ATP8A2: variants seen among roughly 807,000 people sequenced by gnomAD.
The protein encoded by ATP8A2 is ATPase phospholipid transporting 8A2.
Under a neutral mutation model 165.6 loss-of-function variants are expected in ATP8A2, and 100 were observed. That is an observed-to-expected ratio of 0.60 (90% CI 0.51 to 0.71). The LOEUF is 0.71. Among genes scored for constraint, ATP8A2 ranks in the 30% least tolerant of loss-of-function variants. The probability of loss-of-function intolerance (pLI) is 0.00; values close to 1 mark genes in which losing one functional copy is unlikely to be tolerated. For synonymous variants in ATP8A2, 543 were observed against 548.8 expected (o/e 0.99, Z 0.15); for missense variants, 1,227 against 1,479.5 (o/e 0.83, Z 2.80).
chr13:26,008,185 T>G (rs1020231687), intron 35 of ATP8A2, among the ~76,000 whole-genome samples: 5 of 152,154 alleles, frequency 3.3e-5, no homozygotes, highest in African/African-American at 1.2e-4. Context: ...AGAGTCCTTC[T>G]GTACTAAGGA....
At chr13:25,413,032 G>T (rs2034016673) in intron 1 of ATP8A2, among the ~76,000 whole-genome samples, 1 of 152,072 alleles carries the variant, frequency 6.6e-6, no homozygotes, top group South Asian at 2.1e-4. Flanking sequence ...TGGCCAGGCT[G>T]GTCTTGAACT....
intron 24 of ATP8A2, among the ~76,000 whole-genome samples, chr13:25,643,581 C>T (rs977740628): frequency 3.9e-5 from 6 of 151,994 alleles, no homozygotes; most frequent in South Asian, 2.1e-4. Flanking sequence ...ATCAATTGAC[C>T]GTATATGTGA....
chr13:25,725,376 A>G (rs1486721234), intron 25 of ATP8A2, among the ~76,000 whole-genome samples: 2 of 152,212 alleles, frequency 1.3e-5, no homozygotes, highest in Non-Finnish European at 2.9e-5. Context: ...GGAATTGACC[A>G]TTGCTCCATT....
At chr13:25,891,570 T>A (rs1410704579) in intron 33 of ATP8A2, among the ~76,000 whole-genome samples, 1 of 152,120 alleles carries the variant, frequency 6.6e-6, no homozygotes, top group Non-Finnish European at 1.5e-5. Flanking sequence ...GTGATCTGCC[T>A]ACCTTGGCCT....
At chr13:25,643,678 A>G (rs554664859) in intron 24 of ATP8A2, among the ~76,000 whole-genome samples, 2 of 151,260 alleles carry the variant, frequency 1.3e-5, no homozygotes, top group South Asian at 4.2e-4. Flanking sequence ...GTATCGTTTG[A>G]AGTTAGGTAG....
chr13:25,994,995 A>C (rs1022793461), intron 35 of ATP8A2, among the ~76,000 whole-genome samples: 8 of 152,166 alleles, frequency 5.3e-5, no homozygotes, highest in African/African-American at 1.9e-4. Flanking sequence ...AGGCCATATA[A>C]ATTCAATTTC....
At chr13:25,731,183 A>G (rs1302597593) in intron 25 of ATP8A2, among the ~76,000 whole-genome samples, 6 of 117,268 alleles carry the variant, frequency 5.1e-5, no homozygotes, top group Non-Finnish European at 1.1e-4. Flanking sequence ...GAAAGAAAGA[A>G]AAGACCGGAA....
chr13:25,675,355 C>T (rs1335712499), intron 24 of ATP8A2, among the ~76,000 whole-genome samples: 2 of 152,180 alleles, frequency 1.3e-5, no homozygotes, highest in African/African-American at 2.4e-5. Flanking sequence ...TTCCAGAGGG[C>T]ATCCTGTGTT....
intron 1 of ATP8A2, among the ~76,000 whole-genome samples, chr13:25,412,549 C>T (rs1048867504): frequency 5.3e-5 from 8 of 152,198 alleles, no homozygotes; most frequent in African/African-American, 1.9e-4. Flanking sequence ...ATCCACAGAA[C>T]CACTGGCCAG....
At chr13:25,675,010 T>TTAATA (rs1229437792) in intron 24 of ATP8A2, among the ~76,000 whole-genome samples, 2 of 152,228 alleles carry the variant, frequency 1.3e-5, no homozygotes, top group Admixed American at 6.5e-5. Context: ...GTTGTCTGTT[T>TTAATA]TAATGGGTGC....
chr13:25,471,948 A>G (rs2035857092), intron 2 of ATP8A2, among the ~76,000 whole-genome samples: 1 of 152,200 alleles, frequency 6.6e-6, no homozygotes, highest in South Asian at 2.1e-4. Context: ...TTATACTGTG[A>G]GCGTAAGTTT....
chr13:25,605,212 T>A (rs1275734365), intron 24 of ATP8A2, among the ~76,000 whole-genome samples: 1 of 152,208 alleles, frequency 6.6e-6, no homozygotes, highest in African/African-American at 2.4e-5. Context: ...AGCATAGTTC[T>A]TCCTATATAA....
chr13:25,949,353 A>G (rs1032821092), intron 33 of ATP8A2, among the ~76,000 whole-genome samples: 6 of 152,234 alleles, frequency 3.9e-5, no homozygotes, highest in Admixed American at 2.0e-4. Flanking sequence ...CCCTATCTTT[A>G]TCAGTATCTG....
chr13:25,610,391 T>C (rs2040651548), intron 24 of ATP8A2, among the ~76,000 whole-genome samples: 1 of 152,166 alleles, frequency 6.6e-6, no homozygotes, highest in Non-Finnish European at 1.5e-5. Flanking sequence ...CCACTTTATG[T>C]TTTTCTTTGC....
chr13:25,888,723 G>T (rs1458345798), intron 33 of ATP8A2, among the ~76,000 whole-genome samples: 1 of 152,204 alleles, frequency 6.6e-6, no homozygotes, highest in Non-Finnish European at 1.5e-5. Flanking sequence ...GCCAAGCATG[G>T]TGGCGCATGT....
intron 30 of ATP8A2, 42 bp from the exon 31 acceptor site, chr13:25,860,153 C>T (rs1420962626): frequency 1.4e-6 from 2 of 1,413,432 alleles, no homozygotes; most frequent in East Asian, 2.3e-5. Flanking sequence ...GGTGGCCATG[C>T]TCAGCTTCTT....
intron 24 of ATP8A2, among the ~76,000 whole-genome samples, chr13:25,593,682 G>A (rs756843205): frequency 2.6e-5 from 4 of 152,154 alleles, no homozygotes; most frequent in Admixed American, 2.0e-4. Flanking sequence ...GAGAGGAATG[G>A]GTAGGAGGAG....
At chr13:25,492,186 A>G (rs1005781237) in intron 2 of ATP8A2, among the ~76,000 whole-genome samples, 1 of 152,054 alleles carries the variant, frequency 6.6e-6, no homozygotes, top group Non-Finnish European at 1.5e-5. Context: ...CCTCCCAAGT[A>G]ACTGGGTTTA....
chr13:25,662,445 A>T, intron 24 of ATP8A2, among the ~76,000 whole-genome samples: 1 of 152,216 alleles, frequency 6.6e-6, no homozygotes, highest in East Asian at 1.9e-4. Context: ...CTCTCTGATT[A>T]ACTTTGATGT....
Sources: gnomAD v4.1 joint callset for allele counts (sites outside exome capture counted in the v4.1 genomes callset) on GRCh38, gnomAD v4.1.1 for gene constraint, MANE v1.5 for transcripts, NCBI Gene and HGNC (gene_info 2026-07-23, HGNC 2026-07-21) for gene names.